Variants in SBF1 observed in about 807,000 individuals in gnomAD.
SBF1 encodes the protein SET binding factor 1.
A neutral mutation model predicts 215.8 loss-of-function variants in SBF1; 65 were observed. The observed-to-expected ratio is 0.30, with a 90% CI of 0.25 to 0.37. The LOEUF (loss-of-function observed/expected upper bound fraction) is 0.37, where lower values mean the gene tolerates loss of function less well. Ranked by LOEUF, SBF1 falls within the 10% of genes least tolerant of loss-of-function variation. The pLI, the probability that SBF1 is intolerant of heterozygous loss-of-function variation, is 1.00. For synonymous variants in SBF1, 1,410 were observed against 1,122.8 expected, an observed-to-expected ratio of 1.26 and a Z score of -5.11; for missense variants, 2,634 against 2,667.8, an observed-to-expected ratio of 0.99 and a Z score of 0.28.
chr22:50,461,887 T>C lies in SBF1; in HGVS notation c.2570-18A>G, dbSNP rs1248764299. 2 of 1,614,040 alleles carry C rather than the reference T, an allele frequency of 1.2e-6. No homozygotes were observed. The highest frequency in any genetic ancestry group is 8.5e-7 in the Non-Finnish European group (1 of 1,179,988). ...GACAATGTCTGGGGGAAGACAGTTC[T>C]CACACTTTGTGCCCAGCCCCACCCA... On this transcript the variant is annotated intron_variant, in intron 20 of 40. Transcript: ENST00000380817.
Position 50,462,879 on chromosome 22 carries a change from G to A in SBF1, c.1959C>T (p.Ala653=). The A allele has an allele frequency of 1.9e-6, 3 of 1,613,194 alleles. No individual in the cohort carries two copies. The highest frequency in any genetic ancestry group is 2.5e-6 in the Non-Finnish European group (3 of 1,179,938). Residue 653 remains alanine, a synonymous_variant, in exon 17 of 41, where the codon GCC becomes GCT. Coordinates refer to ENST00000380817, the MANE Select transcript of SBF1 (RefSeq NM_002972.4). The part of the protein sequence containing the change: ...IAAALLPLVT[A]FCRKLSPGVT... ...CCATGCCAGCACTCACCCGGCAGAA[G>A]GCTGTGACCAGAGGCAGCAGAGCCG...
At position 50,454,628 on chromosome 22, in the gene SBF1, G is replaced by GTGA. The variant is rs2067175454; in HGVS notation, c.4926_4927insTCA (p.Glu1642_Pro1643insSer). 18 of 1,602,496 alleles carry GTGA rather than the reference G, an allele frequency of 1.1e-5. No individual in the cohort carries two copies. The highest frequency in any genetic ancestry group is 1.5e-5 in the Non-Finnish European group (18 of 1,174,196). On this transcript the variant is annotated inframe_insertion, in exon 36 of 41. Transcript: ENST00000380817. Reference sequence around the variant, plus strand: ...CCATCAGACCGTTCTTCCTCTGGGGGTTCAGGGGGCCCCTGGGCCAGTTCC... The same window carrying GTGA: ...CCATCAGACCGTTCTTCCTCTGGGGGTGATTCAGGGGGCCCCTGGGCCAGTTCC...
At chr22:50,471,634 C>T (rs1054357033) in intron 1 of SBF1, among the ~76,000 whole-genome samples, 4 of 152,142 alleles carry the variant, frequency 2.6e-5, no homozygotes, top group African/African-American at 9.7e-5. Flanking sequence ...CTCCCTCGGC[C>T]GCAGCAGCAG....
chr22:50,464,931 CAGG>C lies in SBF1; in HGVS notation c.1333-17_1333-15del, dbSNP rs776100130. 10 of 1,613,710 alleles carry C rather than the reference CAGG, an allele frequency of 6.2e-6. No individual in the cohort carries two copies. Among genetic ancestry groups the C allele is most frequent in the African/African-American group, 1.3e-5 (1 of 75,026 alleles). On this transcript the variant is annotated splice_polypyrimidine_tract_variant and intron_variant, in intron 12 of 40. Transcript: ENST00000380817. ...GTGGGCCACCAGCTAGCGGGGTAAGCAGGAGGTTAGGTAAGCCATGGTCAGGCG... is the reference window on the plus strand; with the variant it reads ...GTGGGCCACCAGCTAGCGGGGTAAGCAGGTTAGGTAAGCCATGGTCAGGCG...
Position 50,459,261 on chromosome 22 carries a change from T to C in SBF1, c.3820A>G (p.Ser1274Gly). 5.6e-6 allele frequency: 9 copies of C among 1,599,568 alleles called. No individual in the cohort carries two copies. The highest frequency in any genetic ancestry group is 7.7e-6 in the Non-Finnish European group (9 of 1,168,854). ...LSGFSSAHMG[S>G]HVPSPRARVT... ...TGCCCACAAGCACCCTCACCGTGAC[T>C]GCCCATGTGGGCTGAGGAGAAGCCG... Residue 1274 changes from serine (S) to glycine (G), a missense_variant, in exon 28 of 41, where the codon AGT becomes GGT. By Grantham distance (56) the Ser-to-Gly change is moderately conservative (BLOSUM62 0). Transcript: ENST00000380817.
intron 1 of SBF1, among the ~76,000 whole-genome samples, chr22:50,473,029 A>C (rs757585931): frequency 2.5e-4 from 38 of 152,258 alleles, no homozygotes; most frequent in Non-Finnish European, 4.7e-4. Flanking sequence ...GGACACACAC[A>C]AACAGGTGCC....
chr22:50,448,760 T>C (rs977525714), intron 36 of SBF1, 110 bp from the exon 37 acceptor site: 1 of 776,644 alleles, frequency 1.3e-6, no homozygotes, highest in Non-Finnish European at 2.1e-6. Context: ...GCCTAACGCG[T>C]GTGTGACTGG....
rs560891174 is a variant in SBF1 at position 50,453,271 on chromosome 22, C to T, written c.5043+1241G>A. ...GTGACTCTGTTAGCACCAATGAGAC[C>T]GCGTCAACTTTAAGACAATGAGCAT... On this transcript the variant is annotated intron_variant, in intron 36 of 40. Coordinates refer to ENST00000380817, the MANE Select transcript of SBF1 (RefSeq NM_002972.4). Among the ~76,000 whole-genome samples, 15 of 152,280 alleles carry T rather than the reference C, an allele frequency of 9.9e-5. No homozygotes were observed. In the South Asian group the frequency reaches 3.1e-3, roughly 32 times the overall value.
chr22:50,447,876 G>C (rs774888701), intron 38 of SBF1, among the ~76,000 whole-genome samples: 1 of 152,216 alleles, frequency 6.6e-6, no homozygotes. Context: ...CCCCACACCA[G>C]AGCCTCAGGG....
rs1336462084 is a variant in SBF1, at chr22:50,446,988, C to CGGGGCG, written c.*148_*153dup. The CGGGGCG allele has an allele frequency of 1.4e-6, 1 of 733,870 alleles. No individual in the cohort carries two copies. Among genetic ancestry groups the CGGGGCG allele is most frequent in the Non-Finnish European group, 2.3e-6 (1 of 427,008 alleles). 45.5% of individuals were successfully genotyped at this position (733,870 alleles called of 1,614,324 possible). On this transcript the variant is annotated 3_prime_UTR_variant, in exon 41 of 41. Transcript: ENST00000380817. ...ATAAGTTAGGGCCGGCCGGGCGGGG[C>CGGGGCG]GGGGCGGGGACGGGGGCTGTACACA...
Position 50,462,703 on chromosome 22 carries a change from C to T in SBF1, c.1983G>A (p.Gly661=), listed in dbSNP as rs372304849. 1.9e-6 allele frequency: 3 copies of T among 1,611,742 alleles called. No homozygotes were observed. Among genetic ancestry groups the T allele is most frequent in the Non-Finnish European group, 2.5e-6 (3 of 1,179,310 alleles). The change falls in exon 18 of 41, where the codon GGG becomes GGA. Residue 661 remains glycine (G), a synonymous_variant. Transcript: ENST00000380817. The stretch of plus-strand genomic sequence containing the variant: ...CACAGCTGTATGCAAACTGCGTCAC[C>T]CCCGGGCTCAGCTTCTGCAGGAGCC... ...VTAFCRKLSP[G]VTQFAYSCVQ...
At chr22:50,464,290 C>A in intron 15 of SBF1, 39 bp downstream of exon 15, 1 of 1,547,434 alleles carries the variant, frequency 6.5e-7, no homozygotes, top group Non-Finnish European at 8.9e-7. Flanking sequence ...CCTCTGAAAC[C>A]CGCTGCCCTG....
chr22:50,472,188 G>A (rs1417667115), intron 1 of SBF1, among the ~76,000 whole-genome samples: 2 of 152,206 alleles, frequency 1.3e-5, no homozygotes, highest in African/African-American at 2.4e-5. Flanking sequence ...TGAGGTGAAA[G>A]GGTCACGGCC....
chr22:50,449,551 G>A (rs2066961850), intron 36 of SBF1, among the ~76,000 whole-genome samples: 3 of 151,616 alleles, frequency 2.0e-5, no homozygotes, highest in East Asian at 3.9e-4. Context: ...GGGGGCGGAA[G>A]TTGCAGTGAG....
rs373424712 is a variant in SBF1 at position 50,458,000 on chromosome 22, T to C, written c.3827-889A>G. ...CGCCAACCAGGGCCCAGTGTATCCT[T>C]GTAAAAAGGTCAGAGCTGGCCAGGC... On this transcript the variant is annotated intron_variant, in intron 28 of 40. Coordinates refer to ENST00000380817, the MANE Select transcript of SBF1 (RefSeq NM_002972.4). 3.4e-4 allele frequency among the ~76,000 whole-genome samples: 51 copies of C among 152,168 alleles called. No individual in the cohort carries two copies. The East Asian group carries it at 6.6e-3, about 20-fold the overall frequency.
chr22:50,468,284 C>T, intron 2 of SBF1, 92 bp downstream of exon 2: 1 of 1,246,244 alleles, frequency 8.0e-7, no homozygotes, highest in South Asian at 1.3e-5. Context: ...GGGCCGGGCA[C>T]TGTGGAGGCC....
At position 50,448,587 on chromosome 22, in the gene SBF1, G is replaced by T. The variant is rs531466401; in HGVS notation, c.5107C>A (p.Arg1703=). The change falls in exon 37 of 41, where the codon CGG becomes AGG. Residue 1703 remains arginine (R), a synonymous_variant. Transcript: ENST00000380817. ...PAERWKDTWD[R]VKAAQRLEGR... ...TCGAGGCGCTGTGCAGCCTTCACCC[G>T]GTCCCAGGTGTCCTTCCAGCGCTCA... 1 of 1,612,060 alleles carries T rather than the reference G, an allele frequency of 6.2e-7. No homozygotes were observed. Among genetic ancestry groups the T allele is most frequent in the Non-Finnish European group, 8.5e-7 (1 of 1,180,012 alleles).
At chr22:50,463,159 C>A in intron 16 of SBF1, 124 bp downstream of exon 16, 1 of 1,339,036 alleles carries the variant, frequency 7.5e-7, no homozygotes, top group Non-Finnish European at 1.0e-6. Context: ...GACCGAGGAC[C>A]CCTGCCCACT....
intron 36 of SBF1, among the ~76,000 whole-genome samples, chr22:50,450,498 G>A (rs1438642933): frequency 1.3e-5 from 2 of 151,172 alleles, no homozygotes; most frequent in East Asian, 1.9e-4. Flanking sequence ...TCCAGCCTGG[G>A]AGACAAAGTG....
Sources: allele counts gnomAD v4.1 joint callset (sites outside exome capture counted in the v4.1 genomes callset), GRCh38; gene constraint gnomAD v4.1.1; transcripts MANE v1.5; gene names NCBI Gene and HGNC (gene_info 2026-07-23, HGNC 2026-07-21).